Variants in REEP5 observed in about 807,000 individuals in gnomAD.
The protein encoded by REEP5 is receptor expression-enhancing protein 5.
In REEP5, 24 loss-of-function variants were observed where a neutral mutation model predicts 22.4. The ratio of observed to expected loss-of-function variants is 1.07; its 90% CI spans 0.78 to 1.51. The LOEUF is 1.51. Among genes scored for constraint, REEP5 ranks in the 40% most tolerant of loss-of-function variants. The pLI, the probability that REEP5 is intolerant of heterozygous loss-of-function variation, is 0.00. For missense variants in REEP5, 252 were observed against 233.0 expected, an observed-to-expected ratio of 1.08 and a Z score of -0.53; for synonymous variants, 103 against 88.6, an observed-to-expected ratio of 1.16 and a Z score of -0.92.
At position 112,877,596 on chromosome 5, in the gene REEP5, C is replaced by G. The variant is rs1767936699; in HGVS notation, c.*1190G>C. 6.6e-6 allele frequency: 1 copy of G among 152,116 alleles called. No homozygotes were observed. The highest frequency in any genetic ancestry group is 1.5e-5 in the Non-Finnish European group (1 of 68,030). 9.4% of individuals were successfully genotyped at this position (152,116 alleles called of 1,614,324 possible). On this transcript the variant is annotated 3_prime_UTR_variant, in exon 5 of 5. Transcript: ENST00000379638. ...GACTCTGACTTGTAAACTAGGGAAG[C>G]CTCTTGTGTTTGACCTTAAAGGCCA...
intron 3 of REEP5, among the ~76,000 whole-genome samples, chr5:112,889,451 G>A (rs460832): frequency 0.43 from 65,147 of 150,096 alleles, 16,751 homozygotes; most frequent in African/African-American, 0.68. Context: ...AAGTAAATAG[G>A]ATGATAAAGA....
intron 2 of REEP5, among the ~76,000 whole-genome samples, chr5:112,908,889 C>G (rs115748360): frequency 1.4e-5 from 2 of 139,610 alleles, no homozygotes; most frequent in South Asian, 4.4e-4. Context: ...TTACAAATTT[C>G]TCTAACAATG....
rs537582766 is a variant in REEP5 at position 112,877,171 on chromosome 5, A to G, written c.*1615T>C. The G allele has an allele frequency of 2.0e-5, 3 of 152,274 alleles. No individual in the cohort carries two copies. The East Asian group carries it at 5.8e-4, about 29-fold the overall frequency. The allele number at this position is 152,274 out of a possible 1,614,324, so 9.4% of individuals were successfully genotyped here. A position where few individuals can be genotyped will look rare whatever the true frequency, so the allele number is the denominator to read the frequency against. ...TAATCACCACTGTTTTCCTCCCCAA[A>G]ATAAATGCTCTGATCCATATTATAT... On this transcript the variant is annotated 3_prime_UTR_variant, in exon 5 of 5. Transcript: ENST00000379638.
intron 2 of REEP5, among the ~76,000 whole-genome samples, chr5:112,905,998 C>T (rs559651766): frequency 3.0e-4 from 46 of 152,338 alleles, no homozygotes; most frequent in Non-Finnish European, 2.8e-4. Context: ...AAACACTCTA[C>T]TGCCTTGTAC....
intron 2 of REEP5, among the ~76,000 whole-genome samples, chr5:112,905,191 G>A (rs576776069): frequency 2.0e-5 from 3 of 152,270 alleles, no homozygotes; most frequent in African/African-American, 7.2e-5. Context: ...GGAACGTGAG[G>A]TTCAAAAAAG....
At chr5:112,895,957 C>A (rs1283608875) in intron 3 of REEP5, 1 of 152,206 alleles carries the variant, frequency 6.6e-6, no homozygotes, top group Non-Finnish European at 1.5e-5. Context: ...CACAATGACT[C>A]CTTAAATTAC....
At chr5:112,920,509 A>G (rs1235135018) in intron 2 of REEP5, among the ~76,000 whole-genome samples, 1 of 152,248 alleles carries the variant, frequency 6.6e-6, no homozygotes, top group Non-Finnish European at 1.5e-5. Flanking sequence ...ATTGTAGAAT[A>G]AAAACAACTT....
chr5:112,888,482 G>A (rs1156423371), intron 3 of REEP5, among the ~76,000 whole-genome samples: 1 of 152,168 alleles, frequency 6.6e-6, no homozygotes, highest in African/African-American at 2.4e-5. Context: ...GAGTGCAGTG[G>A]CATGAACATG....
At chr5:112,880,785 T>A (rs1446251205) in intron 4 of REEP5, among the ~76,000 whole-genome samples, 2 of 152,166 alleles carry the variant, frequency 1.3e-5, no homozygotes. Flanking sequence ...CACCACAGGT[T>A]GCTGATTAGG....
At chr5:112,899,849 A>G (rs1330269384) in intron 3 of REEP5, among the ~76,000 whole-genome samples, 1 of 152,252 alleles carries the variant, frequency 6.6e-6, no homozygotes, top group Non-Finnish European at 1.5e-5. Flanking sequence ...TGGAATATGT[A>G]CATTATACCA....
chr5:112,892,444 C>T lies in REEP5; in HGVS notation c.352-5261G>A, dbSNP rs186311090. On this transcript the variant is annotated intron_variant, in intron 3 of 4. Transcript: ENST00000379638. ...GTTCAAGGTCAGCTGCAATTTGGAA[C>T]CTCACCTGAGGGGCAATGTATATGT... 8.4e-5 allele frequency: 135 copies of T among 1,614,086 alleles called. No homozygotes were observed. The African/African-American group carries it at 1.6e-3, about 19-fold the overall frequency.
intron 2 of REEP5, among the ~76,000 whole-genome samples, chr5:112,908,085 ACTTT>A (rs150938242): frequency 0.095 from 9,390 of 99,142 alleles, 1,215 homozygotes; most frequent in African/African-American, 0.27. Flanking sequence ...AGCATCAGAG[ACTTT>A]CTTTGTTTTT....
chr5:112,911,104 A>G (rs1286627987), intron 2 of REEP5, among the ~76,000 whole-genome samples: 2 of 152,216 alleles, frequency 1.3e-5, no homozygotes. Context: ...AGGCGCACAA[A>G]TAAAAGGTCT....
rs1193714124 is a variant in REEP5 at position 112,892,132 on chromosome 5, G to A, written c.352-4949C>T. ...CACATGGCAAAACCCAGAACCACCC[G>A]TGGATTTCAGAGTAATGGAGAAGGA... On this transcript the variant is annotated intron_variant, in intron 3 of 4. Transcript: ENST00000379638. 11 of 1,614,036 alleles carry A rather than the reference G, an allele frequency of 6.8e-6. No individual in the cohort carries two copies. In the East Asian group the frequency reaches 8.9e-5, roughly 13 times the overall value.
intron 2 of REEP5, 82 bp from the exon 3 acceptor site, chr5:112,902,600 T>C (rs1768876406): frequency 3.8e-6 from 5 of 1,327,916 alleles, no homozygotes; most frequent in Non-Finnish European, 1.0e-6. Flanking sequence ...TAACCTGTCC[T>C]CTGATACCAC....
intron 2 of REEP5, 51 bp downstream of exon 2, chr5:112,921,112 C>CG (rs759991651): frequency 2.2e-5 from 34 of 1,557,060 alleles, no homozygotes; most frequent in South Asian, 4.5e-5. Context: ...AGCAGCCCTG[C>CG]GGGGAGGAAT....
intron 4 of REEP5, 82 bp from the exon 5 acceptor site, chr5:112,878,917 T>C: frequency 6.2e-7 from 1 of 1,603,968 alleles, no homozygotes; most frequent in South Asian, 1.1e-5. Context: ...GTGCCTAATG[T>C]AGCTACTAGA....
At chr5:112,901,738 G>A (rs987223526) in intron 3 of REEP5, among the ~76,000 whole-genome samples, 1 of 150,374 alleles carries the variant, frequency 6.7e-6, no homozygotes, top group South Asian at 2.1e-4. Flanking sequence ...AGGTCAGATT[G>A]AGAAATCTCC....
At chr5:112,902,254 G>T in intron 3 of REEP5, 126 bp downstream of exon 3, 7 of 969,798 alleles carry the variant, frequency 7.2e-6, no homozygotes, top group South Asian at 4.9e-5. Context: ...TCGCTCTGTT[G>T]CCCAGGCCTG....
Sources: gnomAD v4.1 joint callset for allele counts (sites outside exome capture counted in the v4.1 genomes callset) on GRCh38, gnomAD v4.1.1 for gene constraint, MANE v1.5 for transcripts, NCBI Gene and HGNC (gene_info 2026-07-23, HGNC 2026-07-21) for gene names.